Variants in GRM5 observed in about 807,000 individuals in gnomAD.
The protein encoded by GRM5 is metabotropic glutamate receptor 5.
Under a neutral mutation model 83.1 loss-of-function variants are expected in GRM5, and 19 were observed. That is an observed-to-expected ratio of 0.23 (90% confidence interval 0.16 to 0.34). The LOEUF is 0.34. GRM5 is among the 10% of genes least tolerant of loss of function. GRM5 has a pLI of 1.00. For synonymous variants in GRM5, 675 were observed against 633.6 expected (o/e 1.07, Z -0.98); for missense variants, 1,160 against 1,588.3 (o/e 0.73, Z 4.58).
intron 3 of GRM5, among the ~76,000 whole-genome samples, chr11:88,846,866 T>G (rs1295099380): frequency 6.6e-6 from 1 of 152,176 alleles, no homozygotes; most frequent in African/African-American, 2.4e-5. Flanking sequence ...TATAAAATAC[T>G]AATTAAAATT....
chr11:88,771,101 A>C (rs948307109), intron 3 of GRM5, among the ~76,000 whole-genome samples: 25 of 152,236 alleles, frequency 1.6e-4, no homozygotes, highest in Middle Eastern at 6.8e-3. Flanking sequence ...CAGACAAGGA[A>C]ATATTTTTAG....
chr11:88,614,134 T>A (rs74361792), intron 4 of GRM5, among the ~76,000 whole-genome samples: 5,275 of 152,174 alleles, frequency 0.035, 302 homozygotes, highest in African/African-American at 0.12. Flanking sequence ...AAAAGGTGGG[T>A]TTGAGTCTCA....
intron 3 of GRM5, among the ~76,000 whole-genome samples, chr11:88,673,294 G>C (rs1264020966): frequency 6.6e-6 from 1 of 151,756 alleles, no homozygotes; most frequent in Non-Finnish European, 1.5e-5. Flanking sequence ...AAAGAGGCAG[G>C]GTTTTGTGAC....
chr11:88,682,834 C>T (rs1940528581), intron 3 of GRM5, among the ~76,000 whole-genome samples: 1 of 151,800 alleles, frequency 6.6e-6, no homozygotes, highest in African/African-American at 2.4e-5. Context: ...TCACTTCTTC[C>T]CTTTCTCTTC....
chr11:88,526,191 G>A (rs775689964), intron 8 of GRM5, among the ~76,000 whole-genome samples: 21 of 152,114 alleles, frequency 1.4e-4, no homozygotes, highest in African/African-American at 4.3e-4. Flanking sequence ...GCAGTTCACC[G>A]CGCTTTGAAG....
chr11:88,778,056 C>T (rs1182356786), intron 3 of GRM5, among the ~76,000 whole-genome samples: 1 of 152,148 alleles, frequency 6.6e-6, no homozygotes, highest in Non-Finnish European at 1.5e-5. Flanking sequence ...ATGCCCTGCC[C>T]ACCGAGATGG....
intron 2 of GRM5, among the ~76,000 whole-genome samples, chr11:89,023,157 G>C (rs1180791660): frequency 6.6e-6 from 1 of 151,892 alleles, no homozygotes; most frequent in African/African-American, 2.4e-5. Context: ...GTGTGTGTGT[G>C]TGTGTGTGCG....
intron 2 of GRM5, among the ~76,000 whole-genome samples, chr11:89,031,004 T>C (rs1283201002): frequency 1.3e-5 from 2 of 151,992 alleles, no homozygotes; most frequent in Non-Finnish European, 2.9e-5. Flanking sequence ...GTAGAACTTA[T>C]GAAGAAAGAT....
chr11:88,830,172 T>TA (rs1397093022), intron 3 of GRM5, among the ~76,000 whole-genome samples: 6 of 152,148 alleles, frequency 3.9e-5, no homozygotes, highest in Non-Finnish European at 7.4e-5. Flanking sequence ...TGCTACATGT[T>TA]AAAAAGGATG....
At chr11:88,854,058 G>GTGTATATATATATATATATA (rs1555027663) in intron 2 of GRM5, among the ~76,000 whole-genome samples, 22 of 121,216 alleles carry the variant, frequency 1.8e-4, no homozygotes, top group African/African-American at 6.5e-4. Context: ...AAAATGTGGT[G>GTGTATATATATATATATATA]TATATATATA....
intron 3 of GRM5, among the ~76,000 whole-genome samples, chr11:88,787,842 A>C (rs972945008): frequency 1.3e-5 from 2 of 152,100 alleles, no homozygotes; most frequent in South Asian, 4.1e-4. Flanking sequence ...AAGGGATAAA[A>C]AAGGGATAGA....
intron 2 of GRM5, among the ~76,000 whole-genome samples, chr11:88,961,363 T>C (rs964546475): frequency 2.1e-5 from 1 of 46,680 alleles, no homozygotes; most frequent in African/African-American, 7.2e-5. Context: ...TGTTACAGCA[T>C]TTTTTTTTTT....
intron 9 of GRM5, among the ~76,000 whole-genome samples, chr11:88,521,716 A>T (rs753161381): frequency 1.3e-5 from 2 of 148,288 alleles, no homozygotes; most frequent in Non-Finnish European, 3.0e-5. Flanking sequence ...ACATGAGGTT[A>T]AAAAAAAAGC....
chr11:88,670,808 T>C (rs2135331925), intron 3 of GRM5, among the ~76,000 whole-genome samples: 1 of 152,172 alleles, frequency 6.6e-6, no homozygotes, highest in East Asian at 1.9e-4. Flanking sequence ...CATAGTTCAG[T>C]ATAAAATGGA....
At chr11:88,777,868 G>A (rs866496902) in intron 3 of GRM5, among the ~76,000 whole-genome samples, 6 of 152,010 alleles carry the variant, frequency 3.9e-5, no homozygotes, top group Admixed American at 1.3e-4. Flanking sequence ...GGTACCTGTC[G>A]GCCCCTACTT....
rs1937834734 is a variant in GRM5, at chr11:88,597,224, CTGA to C, written c.1520_1522del (p.Ile507del). On this transcript the variant is annotated inframe_deletion, in exon 6 of 10. Coordinates refer to ENST00000305447, the MANE Select transcript of GRM5 (RefSeq NM_001143831.3). Reference sequence around the variant, plus strand: ...CTCACATGGTTCACTGCACACAGATCTGATGATGTTGCTTTTCTTGGACCATAC... The same window carrying C: ...CTCACATGGTTCACTGCACACAGATCTGATGTTGCTTTTCTTGGACCATAC... 6.2e-7 allele frequency: 1 copy of C among 1,610,150 alleles called. No individual in the cohort carries two copies. The highest frequency in any genetic ancestry group is 1.7e-5 in the Admixed American group (1 of 59,512).
At chr11:88,801,525 G>C (rs1943393786) in intron 3 of GRM5, among the ~76,000 whole-genome samples, 1 of 152,048 alleles carries the variant, frequency 6.6e-6, no homozygotes, top group African/African-American at 2.4e-5. Flanking sequence ...AGTTATTTGA[G>C]ACAAATATAT....
rs1387619746 is a variant in GRM5 at position 88,956,211 on chromosome 11, A to C, written c.661+91001T>G. On this transcript the variant is annotated intron_variant, in intron 2 of 9. Transcript: ENST00000305447. ...TAATCACCTAACACTCTGCCTTCAC[A>C]CTCTTTGCACGTAAAAGCTAAAGTG... 3.3e-5 allele frequency among the ~76,000 whole-genome samples: 5 copies of C among 152,124 alleles called. No homozygotes were observed. The East Asian group carries it at 9.7e-4, about 29-fold the overall frequency.
At chr11:88,951,799 C>T (rs640541) in intron 2 of GRM5, among the ~76,000 whole-genome samples, 128,768 of 152,160 alleles carry the variant, frequency 0.85, 57,267 homozygotes, top group Non-Finnish European at 0.97. Context: ...ATCATAGTTA[C>T]TAATGACTGA....
Sources: gnomAD v4.1 joint callset for allele counts (sites outside exome capture counted in the v4.1 genomes callset) on GRCh38, gnomAD v4.1.1 for gene constraint, MANE v1.5 for transcripts, NCBI Gene and HGNC (gene_info 2026-07-23, HGNC 2026-07-21) for gene names.